EYS: variants seen among roughly 807,000 people sequenced by gnomAD.
The protein encoded by EYS is protein eyes shut homolog.
EYS carries 250 observed loss-of-function variants against 282.1 expected under a neutral mutation model. The ratio of observed to expected loss-of-function variants is 0.89; its 90% CI spans 0.80 to 0.98. The LOEUF (loss-of-function observed/expected upper bound fraction) is 0.98, where lower values mean the gene tolerates loss of function less well. Ranked by LOEUF, EYS falls within the 50% of genes least tolerant of loss-of-function variation. The probability of loss-of-function intolerance (pLI) is 0.00; values close to 1 mark genes in which losing one functional copy is unlikely to be tolerated. For missense variants in EYS, 4,016 were observed against 3,709.0 expected, an observed-to-expected ratio of 1.08 and a Z score of -2.15; for synonymous variants, 1,355 against 1,282.9, an observed-to-expected ratio of 1.06 and a Z score of -1.20.
intron 11 of EYS, among the ~76,000 whole-genome samples, chr6:65,323,397 T>G (rs1769531253): frequency 6.6e-6 from 1 of 151,858 alleles, no homozygotes; most frequent in Non-Finnish European, 1.5e-5. Flanking sequence ...GTAAATAATC[T>G]TGCTATACAC....
At chr6:65,541,087 C>CTT (rs35370331) in intron 2 of EYS, among the ~76,000 whole-genome samples, 15 of 152,030 alleles carry the variant, frequency 9.9e-5, no homozygotes, top group African/African-American at 3.6e-4. Context: ...CTTGCTGACA[C>CTT]TTTTTTTCCT....
At chr6:64,538,704 G>T (rs189741331) in intron 26 of EYS, among the ~76,000 whole-genome samples, 76 of 152,208 alleles carry the variant, frequency 5.0e-4, no homozygotes, top group Middle Eastern at 3.4e-3. Flanking sequence ...TGCAATAAAT[G>T]CTCAGCATGC....
At chr6:65,477,870 A>C (rs776485271) in intron 5 of EYS, among the ~76,000 whole-genome samples, 34 of 152,200 alleles carry the variant, frequency 2.2e-4, no homozygotes, top group Admixed American at 7.2e-4. Context: ...ACACATGGCC[A>C]TAAGAATGTC....
chr6:64,052,848 C>T (rs1028693790), intron 33 of EYS, among the ~76,000 whole-genome samples: 3 of 152,130 alleles, frequency 2.0e-5, no homozygotes, highest in African/African-American at 7.2e-5. Flanking sequence ...CGAAGAGGTG[C>T]CTTCTGCCAT....
At chr6:63,843,743 G>T (rs1772025570) in intron 36 of EYS, among the ~76,000 whole-genome samples, 3 of 152,136 alleles carry the variant, frequency 2.0e-5, no homozygotes, top group Admixed American at 1.3e-4. Context: ...GGAAGTTCTG[G>T]CAAGGGCAAT....
chr6:65,007,068 A>G (rs562803999), intron 13 of EYS, among the ~76,000 whole-genome samples: 1 of 152,336 alleles, frequency 6.6e-6, no homozygotes, highest in African/African-American at 2.4e-5. Context: ...AAGGACCACT[A>G]GAATCCAGCA....
At chr6:63,826,845 C>CAAAAAAAAAAAAAAAAAAAAAAAAAAAA (rs59957107) in intron 36 of EYS, among the ~76,000 whole-genome samples, 3 of 76,762 alleles carry the variant, frequency 3.9e-5, no homozygotes, top group Non-Finnish European at 7.5e-5. Context: ...AGTTAAAAAG[C>CAAAAAAAAAAAAAAAAAAAAAAAAAAAA]AAAAAAAAAA....
intron 13 of EYS, among the ~76,000 whole-genome samples, chr6:65,001,069 G>C (rs369449797): frequency 6.6e-6 from 1 of 152,162 alleles, no homozygotes; most frequent in South Asian, 2.1e-4. Flanking sequence ...ACCTGTGGTA[G>C]TGTCTAGGGG....
chr6:64,284,338 G>A (rs1325178053), intron 30 of EYS, among the ~76,000 whole-genome samples: 1 of 152,166 alleles, frequency 6.6e-6, no homozygotes, highest in Non-Finnish European at 1.5e-5. Context: ...GCTCCCAAAT[G>A]ATCTCTTTGA....
intron 12 of EYS, among the ~76,000 whole-genome samples, chr6:65,094,409 A>G (rs557649495): frequency 6.6e-6 from 1 of 151,326 alleles, no homozygotes; most frequent in Non-Finnish European, 1.5e-5. Context: ...TCCATACAAT[A>G]GCAGCAGGAT....
At chr6:64,173,132 C>A (rs1330306642) in intron 31 of EYS, among the ~76,000 whole-genome samples, 1 of 152,094 alleles carries the variant, frequency 6.6e-6, no homozygotes, top group African/African-American at 2.4e-5. Flanking sequence ...CTTGAGTATT[C>A]TTCTGACCAG....
At chr6:64,166,850 T>A (rs1162809672) in intron 31 of EYS, among the ~76,000 whole-genome samples, 1 of 152,218 alleles carries the variant, frequency 6.6e-6, no homozygotes, top group Non-Finnish European at 1.5e-5. Flanking sequence ...TATCTTAAGA[T>A]CTCATAGTTG....
chr6:65,404,318 C>T (rs1378525550), intron 6 of EYS, among the ~76,000 whole-genome samples: 1 of 152,020 alleles, frequency 6.6e-6, no homozygotes, highest in Non-Finnish European at 1.5e-5. Flanking sequence ...AGCCTTTGTT[C>T]CATCTGCAAT....
chr6:64,859,777 C>G (rs969427509), intron 19 of EYS, among the ~76,000 whole-genome samples: 3 of 152,084 alleles, frequency 2.0e-5, no homozygotes, highest in African/African-American at 7.2e-5. Context: ...TTGGTTATGT[C>G]TTTATCAGCA....
chr6:65,517,745 A>G (rs1346891974), intron 2 of EYS, among the ~76,000 whole-genome samples: 5 of 152,112 alleles, frequency 3.3e-5, no homozygotes, highest in African/African-American at 1.2e-4. Flanking sequence ...GTACAGGCAT[A>G]CAGGACACCA....
In EYS at chr6:64,557,696, A is replaced by T. The variant is rs1241238451; in HGVS notation, c.5644+32527T>A. On this transcript the variant is annotated intron_variant, in intron 26 of 42. Coordinates refer to ENST00000503581, the MANE Select transcript of EYS (RefSeq NM_001142800.2). ...ATTACTAAAAGTTTAACGGTAAATT[A>T]TATAAATTTGACATTATAGGAAAGA... Among the ~76,000 whole-genome samples, 3 of 152,124 alleles carry T rather than the reference A, an allele frequency of 2.0e-5. No homozygotes were observed. In the East Asian group the frequency reaches 5.8e-4, roughly 29 times the overall value.
intron 35 of EYS, among the ~76,000 whole-genome samples, chr6:63,898,773 T>C (rs1008368421): frequency 6.0e-5 from 8 of 134,224 alleles, no homozygotes; most frequent in African/African-American, 1.6e-4. Flanking sequence ...GTCATAACTA[T>C]CTTAGTATTA....
intron 28 of EYS, among the ~76,000 whole-genome samples, chr6:64,411,079 T>C (rs549478275): frequency 2.0e-5 from 3 of 152,118 alleles, no homozygotes; most frequent in Admixed American, 6.6e-5. Flanking sequence ...TGTGTGGGGA[T>C]AATCAGGAGA....
intron 18 of EYS, among the ~76,000 whole-genome samples, chr6:64,896,741 C>G (rs991319967): frequency 2.8e-4 from 42 of 152,052 alleles, no homozygotes; most frequent in African/African-American, 9.9e-4. Context: ...TGAAGTCCAC[C>G]TGGGATGCTG....
Sources: allele counts gnomAD v4.1 joint callset (sites outside exome capture counted in the v4.1 genomes callset), GRCh38; gene constraint gnomAD v4.1.1; transcripts MANE v1.5; gene names NCBI Gene and HGNC (gene_info 2026-07-23, HGNC 2026-07-21).